The following OSMR variants were observed in gnomAD, a reference collection of about 807,000 sequenced individuals.
OSMR encodes the protein oncostatin M receptor, also known as oncostatin-M-specific receptor subunit beta.
A neutral mutation model predicts 99.9 loss-of-function variants in OSMR; 81 were observed. That is an observed-to-expected ratio of 0.81 (90% CI 0.68 to 0.97). The LOEUF (loss-of-function observed/expected upper bound fraction) is 0.97, where lower values mean the gene tolerates loss of function less well. Ranked by LOEUF, OSMR falls within the 50% of genes least tolerant of loss-of-function variation. The pLI is 0.00. For synonymous variants in OSMR, 406 were observed against 410.4 expected (o/e 0.99, Z 0.13); for missense variants, 1,099 against 1,153.4 (o/e 0.95, Z 0.68).
chr5:38,926,927 G>T (rs1746499318), intron 15 of OSMR, among the ~76,000 whole-genome samples: 1 of 152,156 alleles, frequency 6.6e-6, no homozygotes, highest in South Asian at 2.1e-4. Context: ...GGGAGTACAG[G>T]CATTGGGTAC....
At chr5:38,928,571 G>T (rs1430689831) in intron 15 of OSMR, among the ~76,000 whole-genome samples, 8 of 152,090 alleles carry the variant, frequency 5.3e-5, no homozygotes, top group Non-Finnish European at 1.0e-4. Context: ...ACTATCACAA[G>T]AACAGCAGCA....
At chr5:38,851,678 G>A (rs1481520091) in intron 1 of OSMR, among the ~76,000 whole-genome samples, 3 of 152,198 alleles carry the variant, frequency 2.0e-5, no homozygotes, top group African/African-American at 7.2e-5. Flanking sequence ...TTTCAGAGAT[G>A]TTCTTAGGTA....
At position 38,886,097 on chromosome 5, in the gene OSMR, CAA is replaced by C. The variant is rs1169146094; in HGVS notation, c.899_900del (p.Gln300ArgfsTer7). ...AAACTGGTGTAATTGGCAAATAACT[CAA>C]GACTCACAAGAAACCTATAACTTCA... ...HKNWCNWQIT[Q>X]DSQETYNFTL... On this transcript the variant is annotated frameshift_variant, in exon 7 of 18. Coordinates refer to ENST00000274276, the MANE Select transcript of OSMR (RefSeq NM_003999.3). LOFTEE classifies it high-confidence loss of function. 1.3e-5 allele frequency: 21 copies of C among 1,613,430 alleles called. No homozygotes were observed. Among genetic ancestry groups the C allele is most frequent in the Non-Finnish European group, 1.6e-5 (19 of 1,179,842 alleles).
At chr5:38,879,406 A>G (rs1183245928) in intron 3 of OSMR, among the ~76,000 whole-genome samples, 1 of 152,180 alleles carries the variant, frequency 6.6e-6, no homozygotes, top group Non-Finnish European at 1.5e-5. Context: ...GCACAGCGGA[A>G]TGTGGTGGGG....
At chr5:38,858,097 T>G (rs1368265246) in intron 1 of OSMR, among the ~76,000 whole-genome samples, 1 of 152,250 alleles carries the variant, frequency 6.6e-6, no homozygotes, top group Non-Finnish European at 1.5e-5. Context: ...ATCTATCACC[T>G]GAAACATTTA....
intron 9 of OSMR, among the ~76,000 whole-genome samples, chr5:38,905,826 A>G (rs1192660105): frequency 1.3e-5 from 2 of 152,160 alleles, no homozygotes; most frequent in African/African-American, 2.4e-5. Flanking sequence ...AGGATTATAC[A>G]TATGTATTTT....
At chr5:38,862,423 C>A (rs1239034203) in intron 1 of OSMR, among the ~76,000 whole-genome samples, 5 of 139,508 alleles carry the variant, frequency 3.6e-5, no homozygotes, top group Admixed American at 3.5e-4. Flanking sequence ...CGGGGGCTGA[C>A]CCCCCCACCT....
intron 9 of OSMR, among the ~76,000 whole-genome samples, chr5:38,913,937 C>T (rs1038089436): frequency 3.3e-4 from 51 of 152,286 alleles, no homozygotes; most frequent in African/African-American, 1.2e-3. Context: ...TCCCTGTAAC[C>T]CCATCAGGGC....
intron 4 of OSMR, among the ~76,000 whole-genome samples, chr5:38,882,694 G>GA (rs1408033442): frequency 1.6e-4 from 24 of 152,288 alleles, no homozygotes; most frequent in African/African-American, 2.4e-4. Context: ...TGTGTTATTT[G>GA]AAAAATGAGA....
intron 7 of OSMR, among the ~76,000 whole-genome samples, chr5:38,903,136 C>G (rs904233528): frequency 6.6e-6 from 1 of 152,218 alleles, no homozygotes; most frequent in Non-Finnish European, 1.5e-5. Context: ...CAGGTGCTCT[C>G]TGTGCACTGG....
chr5:38,871,316 T>C (rs547990038), intron 2 of OSMR, among the ~76,000 whole-genome samples: 1 of 152,372 alleles, frequency 6.6e-6, no homozygotes, highest in East Asian at 1.9e-4. Context: ...TTTGTTTAGA[T>C]CAGACATGCA....
At chr5:38,893,780 T>G (rs561985660) in intron 7 of OSMR, among the ~76,000 whole-genome samples, 3 of 152,308 alleles carry the variant, frequency 2.0e-5, no homozygotes, top group South Asian at 4.1e-4. Flanking sequence ...AAAACCTCTG[T>G]AATCTTGCTA....
intron 3 of OSMR, 124 bp from the exon 4 acceptor site, chr5:38,881,469 T>G: frequency 6.3e-7 from 1 of 1,581,880 alleles, no homozygotes; most frequent in Non-Finnish European, 8.6e-7. Flanking sequence ...AGAAGTGGAA[T>G]TCACTGGCAC....
intron 11 of OSMR, 89 bp downstream of exon 11, chr5:38,919,151 A>G (rs1238263130): frequency 1.3e-6 from 2 of 1,557,292 alleles, no homozygotes; most frequent in Non-Finnish European, 8.7e-7. Flanking sequence ...TGAGAAAACA[A>G]TAACTTAGGA....
chr5:38,920,090 C>T (rs1347814578), intron 11 of OSMR, among the ~76,000 whole-genome samples: 1 of 152,150 alleles, frequency 6.6e-6, no homozygotes, highest in African/African-American at 2.4e-5. Context: ...CTGGTACTGG[C>T]CTCTTCTGAG....
chr5:38,924,999 T>G (rs1388848366), intron 14 of OSMR: 28 of 769,728 alleles, frequency 3.6e-5, no homozygotes, highest in Non-Finnish European at 4.3e-5. Flanking sequence ...TTCAGTGGAT[T>G]TTTTGCTTTT....
At chr5:38,938,534 T>A (rs1246892760), downstream of OSMR, 2 of 232,802 alleles carry the variant, frequency 8.6e-6, no homozygotes, top group African/African-American at 4.4e-5. Flanking sequence ...AAACAAAATG[T>A]GCAATTTATG....
chr5:38,884,170 C>A (rs1008603815), intron 5 of OSMR, 59 bp downstream of exon 5: 2 of 1,235,682 alleles, frequency 1.6e-6, no homozygotes, highest in Admixed American at 1.7e-5. Flanking sequence ...TAGATTAAAT[C>A]TCCTTTACTA....
At chr5:38,851,440 T>C (rs1328181582) in intron 1 of OSMR, among the ~76,000 whole-genome samples, 4 of 152,124 alleles carry the variant, frequency 2.6e-5, no homozygotes, top group Non-Finnish European at 4.4e-5. Flanking sequence ...AGGGAGTAAC[T>C]GTAGGCACAG....
Sources: allele counts gnomAD v4.1 joint callset (sites outside exome capture counted in the v4.1 genomes callset), GRCh38; gene constraint gnomAD v4.1.1; transcripts MANE v1.5; gene names NCBI Gene and HGNC (gene_info 2026-07-23, HGNC 2026-07-21).